Variants in ZNF197 observed in about 807,000 individuals in gnomAD.
The protein encoded by ZNF197 is VHL-associated KRAB-A domain-containing protein.
In ZNF197, 14 loss-of-function variants were observed where a neutral mutation model predicts 27.4. That is an observed-to-expected ratio of 0.51 (90% CI 0.34 to 0.80). The LOEUF is 0.80. Ranked by LOEUF, ZNF197 falls within the 30% of genes least tolerant of loss-of-function variation. The probability of loss-of-function intolerance (pLI) is 0.02; values close to 1 mark genes in which losing one functional copy is unlikely to be tolerated. For synonymous variants in ZNF197, 415 were observed against 420.0 expected (o/e 0.99, Z 0.15); for missense variants, 1,090 against 1,222.6 (o/e 0.89, Z 1.62).
At chr3:44,634,885 CTA>C (rs1461619318) in intron 5 of ZNF197, among the ~76,000 whole-genome samples, 9 of 151,930 alleles carry the variant, frequency 5.9e-5, no homozygotes, top group Non-Finnish European at 1.0e-4. Context: ...GGCAGCCTCA[CTA>C]TGCTGCCCAG....
Position 44,642,511 on chromosome 3 carries a change from A to C in ZNF197, c.1381A>C (p.Lys461Gln). Reference protein sequence around the residue: ...EKPYKCKECGKGFYRHSGLII... With the variant: ...EKPYKCKECGQGFYRHSGLII... The stretch of plus-strand genomic sequence containing the variant: ...ACCTTATAAGTGTAAGGAGTGTGGA[A>C]AGGGCTTCTATAGGCACTCAGGCCT... The change falls in exon 6 of 6, where the codon AAG becomes CAG. Residue 461 changes from lysine (K) to glutamine (Q), a missense_variant. Physicochemically the swap from Lys to Gln is moderately conservative, Grantham distance 53. Transcript: ENST00000344387. The C allele has an allele frequency of 2.5e-6, 4 of 1,614,120 alleles. No individual in the cohort carries two copies. The highest frequency in any genetic ancestry group is 3.4e-6 in the Non-Finnish European group (4 of 1,179,980).
intron 1 of ZNF197, among the ~76,000 whole-genome samples, chr3:44,626,345 A>G (rs572598894): frequency 6.6e-6 from 1 of 151,026 alleles, no homozygotes; most frequent in Non-Finnish European, 1.5e-5. Context: ...GACTCTCTTC[A>G]TGCTCAGAGT....
chr3:44,641,975 G>A lies in ZNF197; in HGVS notation c.845G>A (p.Gly282Glu), dbSNP rs770832434. 6.2e-7 allele frequency: 1 copy of A among 1,613,330 alleles called. No homozygotes were observed. Among genetic ancestry groups the A allele is most frequent in the Non-Finnish European group, 8.5e-7 (1 of 1,179,508 alleles). Residue 282 changes from glycine (G) to glutamate (E), a missense_variant, in exon 6 of 6, where the codon GGA becomes GAA. By Grantham distance (98) the Gly-to-Glu change is moderately conservative. Transcript: ENST00000344387. ...TCTCAAAGAGCAGACTCTCATAAAG[G>A]AACATCAAAAAGACTTCAAGGAAGT... The part of the protein sequence containing the change: ...SSSQRADSHK[G>E]TSKRLQGSVP...
At position 44,646,369 on chromosome 3, in the gene ZNF197, AG is replaced by A. The variant is rs1215908229; in HGVS notation, c.*2150del. The A allele has an allele frequency of 1.3e-6, 2 of 1,555,366 alleles. No homozygotes were observed. Among genetic ancestry groups the A allele is most frequent in the Non-Finnish European group, 8.7e-7 (1 of 1,151,658 alleles). On this transcript the variant is annotated 3_prime_UTR_variant, in exon 6 of 6. Transcript: ENST00000344387. Reference sequence around the variant, plus strand: ...AATGCTGTGATTTACCTCTTCACCGAGTAACAAAATGTCACATTGCTTAGAT... The same window carrying A: ...AATGCTGTGATTTACCTCTTCACCGATAACAAAATGTCACATTGCTTAGAT...
chr3:44,643,063 A>G lies in ZNF197; in HGVS notation c.1933A>G (p.Asn645Asp). 6.2e-7 allele frequency: 1 copy of G among 1,614,044 alleles called. No individual in the cohort carries two copies. Among genetic ancestry groups the G allele is most frequent in the Non-Finnish European group, 8.5e-7 (1 of 1,179,986 alleles). ...AYLFDHQRLH[N>D]GEKPYECNEC... ...CCTTTTTGACCACCAGAGACTCCAC[A>G]ATGGGGAGAAGCCCTATGAATGTAA... Residue 645 changes from asparagine to aspartate, a missense_variant, in exon 6 of 6, where the codon AAT becomes GAT. By Grantham distance (23) the Asn-to-Asp change is conservative. Coordinates refer to ENST00000344387, the MANE Select transcript of ZNF197 (RefSeq NM_006991.5).
Position 44,648,130 on chromosome 3 carries a change from A to G in ZNF197, c.*3910A>G, listed in dbSNP as rs1162058868. Reference sequence around the variant, plus strand: ...TAAAGTGTGTGAAACTGATTTGAAAAAAAGTTATAAAATACATGTTTTAGG... The same window carrying G: ...TAAAGTGTGTGAAACTGATTTGAAAGAAAGTTATAAAATACATGTTTTAGG... On this transcript the variant is annotated 3_prime_UTR_variant, in exon 6 of 6. Coordinates refer to ENST00000344387, the MANE Select transcript of ZNF197 (RefSeq NM_006991.5). 6.6e-6 allele frequency: 1 copy of G among 152,218 alleles called. No individual in the cohort carries two copies. The highest frequency in any genetic ancestry group is 1.5e-5 in the Non-Finnish European group (1 of 68,032). The allele number at this position is 152,218 out of a possible 1,614,324, so 9.4% of individuals were successfully genotyped here.
At chr3:44,638,644 C>T (rs1702434738) in intron 5 of ZNF197, among the ~76,000 whole-genome samples, 1 of 152,154 alleles carries the variant, frequency 6.6e-6, no homozygotes, top group Non-Finnish European at 1.5e-5. Context: ...ACAGCCTTTT[C>T]TTGTTCTTGT....
intron 1 of ZNF197, among the ~76,000 whole-genome samples, chr3:44,627,802 G>C (rs145173677): frequency 6.8e-6 from 1 of 146,478 alleles, no homozygotes; most frequent in Non-Finnish European, 1.5e-5. Context: ...CTGCACTCCA[G>C]CCTGGGTGAC....
intron 5 of ZNF197, 145 bp downstream of exon 5, chr3:44,632,744 GATAACTATT>G: frequency 3.0e-6 from 3 of 990,940 alleles, no homozygotes; most frequent in Non-Finnish European, 4.1e-6. Context: ...GCTATTTCCA[GATAACTATT>G]ATCATTTTGA....
chr3:44,644,593 C>T lies in ZNF197; in HGVS notation c.*373C>T, dbSNP rs900198072. ...GGCGGAGGTTGCAGTGAGCCAGGAT[C>T]GCGCCATTGCACTCCAGCCTGGGCA... On this transcript the variant is annotated 3_prime_UTR_variant, in exon 6 of 6. Coordinates refer to ENST00000344387, the MANE Select transcript of ZNF197 (RefSeq NM_006991.5). 8 of 983,946 alleles carry T rather than the reference C, an allele frequency of 8.1e-6. No homozygotes were observed. Among genetic ancestry groups the T allele is most frequent in the South Asian group, 4.6e-5 (1 of 21,600 alleles). The allele number at this position is 983,946 out of a possible 1,614,324, so 61.0% of individuals were successfully genotyped here. A position where few individuals can be genotyped will look rare whatever the true frequency, so the allele number is the denominator to read the frequency against.
At chr3:44,635,073 G>T (rs1200292358) in intron 5 of ZNF197, among the ~76,000 whole-genome samples, 1 of 151,012 alleles carries the variant, frequency 6.6e-6, no homozygotes, top group African/African-American at 2.4e-5. Flanking sequence ...TAGACTATAT[G>T]GATTAATTGG....
Position 44,641,284 on chromosome 3 carries a change from C to A in ZNF197, c.770-616C>A, listed in dbSNP as rs75124395. ...TGTAATTAAGGGAGTTCATAACAGA[C>A]CTGACTATTTAAAATGAATTTTAAA... On this transcript the variant is annotated intron_variant, in intron 5 of 5. Transcript: ENST00000344387. Among the ~76,000 whole-genome samples the A allele has an allele frequency of 8.8e-3, 1,340 of 152,224 alleles. 22 individuals are homozygous for A. The highest frequency in any genetic ancestry group is 0.031 in the African/African-American group (1,282 of 41,522).
rs1282144287 is a variant in ZNF197 at position 44,640,089 on chromosome 3, G to C, written c.770-1811G>C. On this transcript the variant is annotated intron_variant, in intron 5 of 5. Coordinates refer to ENST00000344387, the MANE Select transcript of ZNF197 (RefSeq NM_006991.5). This position sits in a 1 kb window ranked among gnomAD's most constrained non-coding sequence, Gnocchi z 4.0. ...GAAAGCCTGTGTCTCTTTCTTGCAG[G>C]CTTCATTCACCAAAGGTTATGGAAA... 6.6e-6 allele frequency among the ~76,000 whole-genome samples: 1 copy of C among 152,148 alleles called. No homozygotes were observed. Among genetic ancestry groups the C allele is most frequent in the Admixed American group, 6.5e-5 (1 of 15,278 alleles).
At position 44,643,849 on chromosome 3, in the gene ZNF197, T is replaced by A. The variant is rs944551646; in HGVS notation, c.2719T>A (p.Cys907Ser). 6.2e-7 allele frequency: 1 copy of A among 1,613,414 alleles called. No homozygotes were observed. The highest frequency in any genetic ancestry group is 1.3e-5 in the African/African-American group (1 of 74,902). ...AGAGAAACCTTATAAATGTAATGAGTGTGGAAAAGACTTTAGTCAGAATAA... is the reference window on the plus strand; with the variant it reads ...AGAGAAACCTTATAAATGTAATGAGAGTGGAAAAGACTTTAGTCAGAATAA... ...TGEKPYKCNE[C>S]GKDFSQNKNL... Residue 907 changes from cysteine to serine, a missense_variant, in exon 6 of 6, where the codon TGT becomes AGT. Cys to Ser is a moderately radical substitution (Grantham distance 112, BLOSUM62 -1). Coordinates refer to ENST00000344387, the MANE Select transcript of ZNF197 (RefSeq NM_006991.5).
chr3:44,645,385 T>C lies in ZNF197; in HGVS notation c.*1165T>C, dbSNP rs751037238. ...TTTTCATAAGAGGAAGTATGGTGAA[T>C]AGCTAACTGGAATTTAGTGTTCTAA... On this transcript the variant is annotated 3_prime_UTR_variant, in exon 6 of 6. Transcript: ENST00000344387. The C allele has an allele frequency of 3.0e-5, 30 of 985,300 alleles. No homozygotes were observed. Among genetic ancestry groups the C allele is most frequent in the Non-Finnish European group, 3.6e-5 (30 of 829,926 alleles). The allele number at this position is 985,300 out of a possible 1,614,324, so 61.0% of individuals were successfully genotyped here.
chr3:44,646,168 G>GA lies in ZNF197; in HGVS notation c.*1954dup, dbSNP rs895720233. Reference sequence around the variant, plus strand: ...GGTTCAGGTTTTGCCATCTGCCTCAGAAAAAATCTCTTCAGTTCTTGGAGC... The same window carrying GA: ...GGTTCAGGTTTTGCCATCTGCCTCAGAAAAAAATCTCTTCAGTTCTTGGAGC... On this transcript the variant is annotated 3_prime_UTR_variant, in exon 6 of 6. Coordinates refer to ENST00000344387, the MANE Select transcript of ZNF197 (RefSeq NM_006991.5). The GA allele has an allele frequency of 1.2e-5, 12 of 983,212 alleles. No individual in the cohort carries two copies. Among genetic ancestry groups the GA allele is most frequent in the African/African-American group, 7.0e-5 (4 of 57,150 alleles). 60.9% of individuals were successfully genotyped at this position (983,212 alleles called of 1,614,324 possible).
Position 44,632,586 on chromosome 3 carries a change from T to C in ZNF197, c.756T>C (p.Asn252=). ...ATGTGATGCTGGAGAATTATGGAAA[T>C]GTGACCTCCCTAGGTAAGGATTCTT... ...YWDVMLENYG[N]VTSLEWETMT... The change falls in exon 5 of 6, where the codon AAT becomes AAC. Residue 252 remains asparagine, a synonymous_variant. Coordinates refer to ENST00000344387, the MANE Select transcript of ZNF197 (RefSeq NM_006991.5). 1.3e-6 allele frequency: 2 copies of C among 1,582,242 alleles called. No homozygotes were observed. Among genetic ancestry groups the C allele is most frequent in the East Asian group, 4.5e-5 (2 of 44,304 alleles).
Position 44,645,892 on chromosome 3 carries a change from C to CA in ZNF197, c.*1673dup, listed in dbSNP as rs1702928621. The CA allele has an allele frequency of 8.1e-6, 8 of 985,448 alleles. No homozygotes were observed. The highest frequency in any genetic ancestry group is 7.2e-6 in the Non-Finnish European group (6 of 829,936). 61.0% of individuals were successfully genotyped at this position (985,448 alleles called of 1,614,324 possible). On this transcript the variant is annotated 3_prime_UTR_variant, in exon 6 of 6. Transcript: ENST00000344387. The stretch of plus-strand genomic sequence containing the variant: ...CTTGAGTACATTTGTGGGTTTAACT[C>CA]AGTCTATATTCTTAAGTTGGTAATT...
Position 44,643,779 on chromosome 3 carries a change from T to A in ZNF197, c.2649T>A (p.Leu883=), listed in dbSNP as rs777243656. ...AATGTCATGTATGTAGGAAAGTCCT[T>A]ACCTCTAGTAGAAATCTTATGGTAC... The part of the protein sequence containing the change: ...TYECHVCRKV[L]TSSRNLMVHQ... Residue 883 remains leucine, a synonymous_variant, in exon 6 of 6, where the codon CTT becomes CTA. Coordinates refer to ENST00000344387, the MANE Select transcript of ZNF197 (RefSeq NM_006991.5). The A allele has an allele frequency of 1.2e-6, 2 of 1,614,010 alleles. No homozygotes were observed. The highest frequency in any genetic ancestry group is 2.2e-5 in the South Asian group (2 of 91,074).
Sources: gnomAD v4.1 joint callset for allele counts (sites outside exome capture counted in the v4.1 genomes callset) on GRCh38, gnomAD v4.1.1 for gene constraint, Gnocchi (gnomAD v3.1) non-coding constraint, MANE v1.5 for transcripts, NCBI Gene and HGNC (gene_info 2026-07-23, HGNC 2026-07-21) for gene names.